SLC4A1AP: variants seen among roughly 807,000 people sequenced by gnomAD.
The protein encoded by SLC4A1AP is kanadaptin.
A neutral mutation model predicts 89.7 loss-of-function variants in SLC4A1AP; 64 were observed. The observed-to-expected ratio is 0.71, with a 90% CI of 0.58 to 0.88. The LOEUF is 0.88. Ranked by LOEUF, SLC4A1AP falls within the 40% of genes least tolerant of loss-of-function variation. SLC4A1AP has a pLI of 0.00. For missense variants in SLC4A1AP, 931 were observed against 965.0 expected (o/e 0.96, Z 0.47); for synonymous variants, 366 against 353.3 (o/e 1.04, Z -0.40).
rs148226094 is a variant in SLC4A1AP at position 27,665,160 on chromosome 2, C to T, written c.886C>T (p.Arg296Cys). Residue 296 changes from arginine (R) to cysteine (C), a missense_variant, in exon 2 of 14, where the codon CGC (arginine) becomes TGC (cysteine). Transcript: ENST00000613058. ...AACAGTAACACAGTTGAAGGAATTG[C>T]GCAAGCAGCAGCAAATATTGTTGGA... The T allele has an allele frequency of 1.7e-4, 271 of 1,613,104 alleles. No homozygotes were observed. The highest frequency in any genetic ancestry group is 2.1e-4 in the Non-Finnish European group (250 of 1,179,522).
intron 5 of SLC4A1AP, 38 bp downstream of exon 5, chr2:27,669,425 A>G: frequency 6.9e-7 from 1 of 1,454,154 alleles, no homozygotes; most frequent in East Asian, 2.5e-5. Context: ...AGATTTAAAA[A>G]AAGGAAAACT....
At chr2:27,676,682 TAGAC>T (rs1242787217) in intron 6 of SLC4A1AP, among the ~76,000 whole-genome samples, 2 of 150,912 alleles carry the variant, frequency 1.3e-5, no homozygotes, top group Non-Finnish European at 3.0e-5. Flanking sequence ...ATACAAAAAT[TAGAC>T]AGGCGTGGTG....
At chr2:27,675,747 C>A in intron 6 of SLC4A1AP, 55 bp downstream of exon 6, 1 of 1,156,470 alleles carries the variant, frequency 8.6e-7, no homozygotes, top group Non-Finnish European at 1.2e-6. Context: ...TTTTTAATAA[C>A]ATAATGTATT....
In SLC4A1AP at chr2:27,668,918, T is replaced by G; in HGVS notation, c.1205+15T>G. 1 of 1,612,234 alleles carries G rather than the reference T, an allele frequency of 6.2e-7. No homozygotes were observed. Among genetic ancestry groups the G allele is most frequent in the East Asian group, 2.2e-5 (1 of 44,882 alleles). On this transcript the variant is annotated intron_variant, in intron 4 of 13. Coordinates refer to ENST00000613058, the Ensembl canonical transcript of SLC4A1AP. ...TGCAGGGTGAGGTATGCTCTTTTCT[T>G]ATTAATGTTCTTTTCTGGAAAATGG...
chr2:27,688,654 A>G, intron 11 of SLC4A1AP, 46 bp from the exon 12 acceptor site: 1 of 1,350,930 alleles, frequency 7.4e-7, no homozygotes, highest in Non-Finnish European at 1.0e-6. Flanking sequence ...TTTTTATTTT[A>G]CTTATACTGA....
At position 27,682,356 on chromosome 2, in the gene SLC4A1AP, A is replaced by AG. The variant is rs1437577772; in HGVS notation, c.1875+1dup. On this transcript the variant is annotated frameshift_variant, in exon 9 of 14. Coordinates refer to ENST00000613058, the Ensembl canonical transcript of SLC4A1AP. LOFTEE classifies it high-confidence loss of function. Reference sequence around the variant, plus strand: ...AATTCAAATTAAAAACTGGAACAGTAGGGGTAAGTTGTGAGTCAGGGTGTT... The same window carrying AG: ...AATTCAAATTAAAAACTGGAACAGTAGGGGGTAAGTTGTGAGTCAGGGTGTT... 4 of 1,598,566 alleles carry AG rather than the reference A, an allele frequency of 2.5e-6. No individual in the cohort carries two copies. Among genetic ancestry groups the AG allele is most frequent in the Non-Finnish European group, 3.4e-6 (4 of 1,166,260 alleles).
At chr2:27,664,448 C>T in exon 1 of SLC4A1AP, 1 of 1,614,238 alleles carries the variant, frequency 6.2e-7, no homozygotes, top group East Asian at 2.2e-5. Context: ...CGGGCTTCTA[C>T]CTCTACGATC....
chr2:27,665,745 C>T (rs780768746), intron 2 of SLC4A1AP, among the ~76,000 whole-genome samples: 1 of 152,130 alleles, frequency 6.6e-6, no homozygotes, highest in East Asian at 1.9e-4. Context: ...TCAGATAAAG[C>T]TGGTCCCTTA....
intron 6 of SLC4A1AP, among the ~76,000 whole-genome samples, chr2:27,676,659 TA>T (rs1290873727): frequency 3.9e-3 from 550 of 140,172 alleles, no homozygotes; most frequent in Middle Eastern, 7.3e-3. Context: ...CCACCTCTAC[TA>T]AAAAAAAAAA....
chr2:27,669,222 C>T (rs1228260177), intron 4 of SLC4A1AP, 26 bp from the exon 5 acceptor site: 2 of 1,590,502 alleles, frequency 1.3e-6, no homozygotes, highest in South Asian at 2.3e-5. Flanking sequence ...TAATGCTGTG[C>T]TATAATTCCC....
rs149741898 is a variant in SLC4A1AP, at chr2:27,682,259, A to C, written c.1775A>C (p.Gln592Pro). 83 of 1,610,804 alleles carry C rather than the reference A, an allele frequency of 5.2e-5. No individual in the cohort carries two copies. The highest frequency in any genetic ancestry group is 6.7e-5 in the Admixed American group (4 of 59,670). Residue 592 changes from glutamine (Q) to proline (P), a missense_variant, in exon 9 of 14, where the codon CAG becomes CCG. Physicochemically the swap from Gln to Pro is moderately conservative, Grantham distance 76 (BLOSUM62 -1). Coordinates refer to ENST00000613058, the Ensembl canonical transcript of SLC4A1AP. ...TTCTTTCTTCCTAGGACTGAAACTCAGACTACAGGTGCAGAAAACAAAGCT... is the reference window on the plus strand; with the variant it reads ...TTCTTTCTTCCTAGGACTGAAACTCCGACTACAGGTGCAGAAAACAAAGCT...
chr2:27,673,062 A>G (rs771840587), intron 5 of SLC4A1AP, among the ~76,000 whole-genome samples: 1 of 152,104 alleles, frequency 6.6e-6, no homozygotes, highest in African/African-American at 2.4e-5. Context: ...TCTACTGCAG[A>G]TGGAAAGGAG....
exon 9 of SLC4A1AP, chr2:27,682,283 C>A (rs1675631510): frequency 6.2e-7 from 1 of 1,613,582 alleles, no homozygotes. Flanking sequence ...GAAAACAAAG[C>A]TAAAAAGCTT....
chr2:27,676,268 A>G (rs1185945104), intron 6 of SLC4A1AP, among the ~76,000 whole-genome samples: 1 of 152,214 alleles, frequency 6.6e-6, no homozygotes, highest in Admixed American at 6.5e-5. Flanking sequence ...CAACCTTTTA[A>G]GTGATCAATC....
At chr2:27,671,450 T>C (rs1481228212) in intron 5 of SLC4A1AP, among the ~76,000 whole-genome samples, 7 of 152,188 alleles carry the variant, frequency 4.6e-5, no homozygotes, top group Non-Finnish European at 1.0e-4. Context: ...TGCTCATTCC[T>C]CCCACACCTT....
chr2:27,677,777 T>C (rs1485487678), exon 8 of SLC4A1AP: 1 of 1,612,716 alleles, frequency 6.2e-7, no homozygotes, highest in Non-Finnish European at 8.5e-7. Context: ...TTAGATGCGT[T>C]CATGTCAGAA....
chr2:27,664,264 C>A, exon 1 of SLC4A1AP: 2 of 1,614,218 alleles, frequency 1.2e-6, no homozygotes, highest in Non-Finnish European at 1.7e-6. Context: ...AGCTTAGAGA[C>A]CCTGAAGGGC....
intron 6 of SLC4A1AP, 53 bp downstream of exon 6, chr2:27,675,745 A>T: frequency 8.4e-7 from 1 of 1,188,548 alleles, no homozygotes; most frequent in Non-Finnish European, 1.1e-6. Flanking sequence ...AATTTTTAAT[A>T]ACATAATGTA....
At chr2:27,679,377 C>A (rs145632102) in intron 8 of SLC4A1AP, among the ~76,000 whole-genome samples, 4 of 152,016 alleles carry the variant, frequency 2.6e-5, no homozygotes, top group Non-Finnish European at 5.9e-5. Flanking sequence ...CTGAGCTGGG[C>A]GGATCACGAG....
Sources: gnomAD v4.1 joint callset for allele counts (sites outside exome capture counted in the v4.1 genomes callset) on GRCh38, gnomAD v4.1.1 for gene constraint, MANE v1.5 for transcripts, NCBI Gene and HGNC (gene_info 2026-07-23, HGNC 2026-07-21) for gene names.